RYR1: variants seen among roughly 807,000 people sequenced by gnomAD.
RYR1 encodes the protein central core disease of muscle.
A neutral mutation model predicts 583.5 loss-of-function variants in RYR1; 342 were observed. The observed-to-expected ratio is 0.59, with a 90% CI of 0.54 to 0.64. RYR1 has a LOEUF of 0.64. Among genes scored for constraint, RYR1 ranks in the 30% least tolerant of loss-of-function variants. The pLI is 0.00. For synonymous variants in RYR1, 2,791 were observed against 2,822.5 expected, an observed-to-expected ratio of 0.99 and a Z score of 0.35; for missense variants, 6,032 against 6,917.2, an observed-to-expected ratio of 0.87 and a Z score of 4.54.
chr19:38,500,570 C>T lies in RYR1; in HGVS notation c.7324-36C>T, dbSNP rs1472719176. The stretch of plus-strand genomic sequence containing the variant: ...CAGTCACTGAGTGGGGCACCAGCGC[C>T]TGATGAGTGCCCCTCTCCCTCCCTC... On this transcript the variant is annotated intron_variant, in intron 45 of 105. Transcript: ENST00000359596. The surrounding 1 kb of genome is among the most constrained non-coding windows in gnomAD (Gnocchi z 5.9). 6.2e-7 allele frequency: 1 copy of T among 1,611,380 alleles called. No homozygotes were observed. Among genetic ancestry groups the T allele is most frequent in the Admixed American group, 1.7e-5 (1 of 60,008 alleles).
In RYR1 at chr19:38,467,823, C is replaced by T. The variant is rs1251792176; in HGVS notation, c.3381+11C>T. 1 of 1,613,090 alleles carries T rather than the reference C, an allele frequency of 6.2e-7. No homozygotes were observed. The highest frequency in any genetic ancestry group is 8.5e-7 in the Non-Finnish European group (1 of 1,179,700). ...TTCAATGGGCACCGCGTGGGTACCT[C>T]CCTGGGCACCATTCTGCCAGGTCCT... On this transcript the variant is annotated intron_variant, in intron 25 of 105. Transcript: ENST00000359596.
rs756847004 is a variant in RYR1 at position 38,455,252 on chromosome 19, C to G, written c.1458C>G (p.Val486=). ...LFQEEGMLSM[V]LNCIDRLNVY... ...CATCCTAGGGGATGCTCTCCATGGT[C>G]CTGAATTGCATAGACCGCCTAAATG... Residue 486 remains valine, a synonymous_variant, in exon 14 of 106, where the codon GTC becomes GTG. Transcript: ENST00000359596. 2.5e-5 allele frequency: 40 copies of G among 1,613,906 alleles called. No homozygotes were observed. The South Asian group carries it at 4.1e-4, about 16-fold the overall frequency.
rs764327609 is a variant in RYR1 at position 38,473,594 on chromosome 19, A to G, written c.3983A>G (p.Asp1328Gly). The change falls in exon 28 of 106, where the codon GAC becomes GGC. Residue 1328 changes from aspartate to glycine, a missense_variant. Physicochemically the swap from Asp to Gly is moderately conservative, Grantham distance 94 (BLOSUM62 -1). Around this residue, in one of 11 missense-constraint regions of RYR1, gnomAD observed 2,627 missense variants for 2,961.3 expected, o/e 0.89. Coordinates refer to ENST00000359596, the MANE Select transcript of RYR1 (RefSeq NM_000540.3). ...AEDEARAAEP[D>G]PDYENLRRSA... ...GACGAGGCCCGGGCGGCGGAACCCGACCCTGACTACGAAAACCTGCGCCGC... is the reference window on the plus strand; with the variant it reads ...GACGAGGCCCGGGCGGCGGAACCCGGCCCTGACTACGAAAACCTGCGCCGC... The G allele has an allele frequency of 6.3e-7, 1 of 1,581,148 alleles. No homozygotes were observed. Among genetic ancestry groups the G allele is most frequent in the Non-Finnish European group, 8.6e-7 (1 of 1,164,014 alleles).
intron 50 of RYR1, 45 bp downstream of exon 50, chr19:38,504,405 G>A: frequency 6.2e-7 from 1 of 1,602,050 alleles, no homozygotes. Context: ...TGGAGGGTTT[G>A]GGGCCCAAAA....
intron 101 of RYR1, among the ~76,000 whole-genome samples, chr19:38,581,175 T>A (rs554624231): frequency 3.9e-5 from 6 of 152,040 alleles, no homozygotes; most frequent in Non-Finnish European, 7.4e-5. Flanking sequence ...CCTCCCGGGT[T>A]CATGCCATTC....
chr19:38,496,001 G>C lies in RYR1; in HGVS notation c.6549-214G>C, dbSNP rs539601571. Reference sequence around the variant, plus strand: ...TGATCTCGATCTCCTGACCTCAAGTGATCCTCTAGCTTCGGCCTCCCAAAG... The same window carrying C: ...TGATCTCGATCTCCTGACCTCAAGTCATCCTCTAGCTTCGGCCTCCCAAAG... On this transcript the variant is annotated intron_variant, in intron 39 of 105. Coordinates refer to ENST00000359596, the MANE Select transcript of RYR1 (RefSeq NM_000540.3). This position sits in a 1 kb window ranked among gnomAD's most constrained non-coding sequence, Gnocchi z 4.8. Among the ~76,000 whole-genome samples, 1 of 152,278 alleles carries C rather than the reference G, an allele frequency of 6.6e-6. No homozygotes were observed. The highest frequency in any genetic ancestry group is 1.9e-4 in the East Asian group (1 of 5,184).
At chr19:38,508,367 A>C (rs967620847) in intron 58 of RYR1, among the ~76,000 whole-genome samples, 1 of 151,866 alleles carries the variant, frequency 6.6e-6, no homozygotes, top group African/African-American at 2.4e-5. Context: ...GGGCGCCGCC[A>C]CACCCAGCTA....
rs1968087954 is a variant in RYR1 at position 38,466,137 on chromosome 19, C to T, written c.2917C>T (p.His973Tyr). 6.2e-7 allele frequency: 1 copy of T among 1,613,218 alleles called. No individual in the cohort carries two copies. The highest frequency in any genetic ancestry group is 1.3e-5 in the African/African-American group (1 of 74,928). The change falls in exon 24 of 106, where the codon CAC (histidine) becomes TAC (tyrosine). Residue 973 changes from histidine (H) to tyrosine (Y), a missense_variant. This residue lies in a region of RYR1 where 2,627 missense variants were observed against 2,961.3 expected (regional missense o/e 0.89). Coordinates refer to ENST00000359596, the MANE Select transcript of RYR1 (RefSeq NM_000540.3). ...CAAGCCGGCTCCGCTGGACCTGAGC[C>T]ACGTGCGGCTGACGCCGGCGCAGAC... ...GYKPAPLDLS[H>Y]VRLTPAQTTL...
chr19:38,492,434 G>A, intron 37 of RYR1, 56 bp from the exon 38 acceptor site: 1 of 1,594,854 alleles, frequency 6.3e-7, no homozygotes, highest in Admixed American at 1.7e-5. Flanking sequence ...GAGTGTGTAA[G>A]CAGGTGAATA....
intron 55 of RYR1, 34 bp downstream of exon 55, chr19:38,506,411 G>A: frequency 1.2e-6 from 2 of 1,613,800 alleles, no homozygotes; most frequent in South Asian, 2.2e-5. Context: ...GGGACATAGG[G>A]TGTCTTTGGG....
At position 38,516,198 on chromosome 19, in the gene RYR1, G is replaced by C; in HGVS notation, c.9666G>C (p.Lys3222Asn). ...ACGCCTGCTCCGTGTACACCACCAA[G>C]TCTCCGCGGGAGCGGGCCAGTAAGC... ...EYNACSVYTT[K>N]SPRERAILGL... The change falls in exon 65 of 106, where the codon AAG (lysine) becomes AAC (asparagine). Residue 3222 changes from lysine to asparagine, a missense_variant. Coordinates refer to ENST00000359596, the MANE Select transcript of RYR1 (RefSeq NM_000540.3). The C allele has an allele frequency of 1.3e-6, 2 of 1,580,956 alleles. No individual in the cohort carries two copies. Among genetic ancestry groups the C allele is most frequent in the African/African-American group, 1.3e-5 (1 of 74,410 alleles).
At chr19:38,434,781 G>A (rs988182206) in intron 1 of RYR1, among the ~76,000 whole-genome samples, 6 of 152,134 alleles carry the variant, frequency 3.9e-5, no homozygotes, top group Non-Finnish European at 1.5e-5. Flanking sequence ...AAATATGGGA[G>A]GGGACGTCCT....
intron 39 of RYR1, among the ~76,000 whole-genome samples, chr19:38,495,751 C>T (rs575718915): frequency 6.6e-6 from 1 of 152,284 alleles, no homozygotes; most frequent in South Asian, 2.1e-4. Context: ...CCCTTCCTCC[C>T]ACAGTGGCTG....
rs1967666805 is a variant in RYR1, at chr19:38,460,434, A to G, written c.2420A>G (p.Tyr807Cys). The change falls in exon 20 of 106, where the codon TAT (tyrosine) becomes TGT (cysteine). Residue 807 changes from tyrosine to cysteine, a missense_variant. Physicochemically the swap from Tyr to Cys is radical, Grantham distance 194 (BLOSUM62 -2). Coordinates refer to ENST00000359596, the MANE Select transcript of RYR1 (RefSeq NM_000540.3). ...TTCAAGTTCCTGCCCCCACCTGGCT[A>G]TGCTCCATGCCATGAGGCTGTGCTC... ...GEFKFLPPPG[Y>C]APCHEAVLPR... 1 of 1,613,982 alleles carries G rather than the reference A, an allele frequency of 6.2e-7. No homozygotes were observed. The highest frequency in any genetic ancestry group is 1.1e-5 in the South Asian group (1 of 91,084).
intron 89 of RYR1, among the ~76,000 whole-genome samples, chr19:38,555,729 T>C (rs1342944045): frequency 6.6e-6 from 1 of 152,222 alleles, no homozygotes; most frequent in Non-Finnish European, 1.5e-5. Flanking sequence ...GCTGATACTT[T>C]TTAAAATCAT....
intron 96 of RYR1, among the ~76,000 whole-genome samples, chr19:38,573,713 G>A (rs945411595): frequency 6.6e-6 from 1 of 151,468 alleles, no homozygotes; most frequent in African/African-American, 2.4e-5. Context: ...AAAACCTAGG[G>A]TTTCAGTCCC....
rs6508806 is a variant in RYR1, at chr19:38,528,513, A to G, written c.10938-86A>G. On this transcript the variant is annotated intron_variant, in intron 74 of 105. Transcript: ENST00000359596. ...GGAGGGCCAACGTGATGGGGCCTTGAGGGTGGTTGGGGGCTGCAGGCGCAT... is the reference window on the plus strand; with the variant it reads ...GGAGGGCCAACGTGATGGGGCCTTGGGGGTGGTTGGGGGCTGCAGGCGCAT... 0.16 allele frequency: 247,504 copies of G among 1,589,218 alleles called. 21,338 individuals are homozygous for G. Among genetic ancestry groups the G allele is most frequent in the South Asian group, 0.29 (26,002 of 90,410 alleles).
At chr19:38,511,740 A>G in intron 61 of RYR1, 130 bp downstream of exon 61, 1 of 1,146,604 alleles carries the variant, frequency 8.7e-7, no homozygotes, top group East Asian at 2.4e-5. Context: ...GGAGACATGG[A>G]CCAGGTATCC....
At position 38,567,842 on chromosome 19, in the gene RYR1, C is replaced by T. The variant is rs368826804; in HGVS notation, c.13584C>T (p.Pro4528=). The part of the protein sequence containing the change: ...TPEPPKKQAP[P]SPPPKKEEAG... ...AGCCCCCCAAGAAGCAAGCACCTCC[C>T]TCACCCCCTCCAAAGAAGGAGGAAG... Residue 4528 remains proline (P), a synonymous_variant, in exon 93 of 106, where the codon CCC becomes CCT. Coordinates refer to ENST00000359596, the MANE Select transcript of RYR1 (RefSeq NM_000540.3). 1.9e-6 allele frequency: 3 copies of T among 1,614,156 alleles called. No individual in the cohort carries two copies. Among genetic ancestry groups the T allele is most frequent in the African/African-American group, 1.3e-5 (1 of 75,046 alleles).
Sources: gnomAD v4.1 joint callset for allele counts (sites outside exome capture counted in the v4.1 genomes callset) on GRCh38, gnomAD v4.1.1 for gene constraint, gnomAD v4.1.1 regional missense constraint, Gnocchi (gnomAD v3.1) non-coding constraint, MANE v1.5 for transcripts, NCBI Gene and HGNC (gene_info 2026-07-23, HGNC 2026-07-21) for gene names.